The following FYCO1 variants were observed in gnomAD, a reference collection of about 807,000 sequenced individuals.
FYCO1 encodes FYVE and coiled-coil domain-containing protein 1.
FYCO1 carries 122 observed loss-of-function variants against 165.1 expected under a neutral mutation model. The ratio of observed to expected loss-of-function variants is 0.74; its 90% CI spans 0.64 to 0.86. The LOEUF (loss-of-function observed/expected upper bound fraction) is 0.86, where lower values mean the gene tolerates loss of function less well. Among genes scored for constraint, FYCO1 ranks in the 40% least tolerant of loss-of-function variants. The pLI is 0.00. For missense variants in FYCO1, 1,702 were observed against 1,810.3 expected (o/e 0.94, Z 1.09); for synonymous variants, 648 against 742.5 (o/e 0.87, Z 2.07).
At position 45,967,752 on chromosome 3, in the gene FYCO1, G is replaced by T; in HGVS notation, c.1582C>A (p.His528Asn). 1 of 1,613,436 alleles carries T rather than the reference G, an allele frequency of 6.2e-7. No homozygotes were observed. The highest frequency in any genetic ancestry group is 8.5e-7 in the Non-Finnish European group (1 of 1,180,020). ...TTCTGCTCCTCCAGGTCACTCACAT[G>T]TTGGCTCACCTGTGCCAGCTGGGTC... ...LETQLAQVSQ[H>N]VSDLEEQKKQ... Residue 528 changes from histidine to asparagine, a missense_variant, in exon 8 of 18, where the codon CAT (histidine) becomes AAT (asparagine). Transcript: ENST00000296137.
Position 45,995,821 on chromosome 3 carries a change from G to A in FYCO1, c.-212C>T, listed in dbSNP as rs902919779. On this transcript the variant is annotated 5_prime_UTR_variant, in exon 1 of 18. Transcript: ENST00000296137. ...GACGGCCATGACGCGCACACCAAGA[G>A]GGTGGCGGGGGCGGACTACAACTCC... 6.6e-6 allele frequency: 1 copy of A among 152,606 alleles called. No individual in the cohort carries two copies. Among genetic ancestry groups the A allele is most frequent in the Admixed American group, 6.5e-5 (1 of 15,290 alleles). The allele number at this position is 152,606 out of a possible 1,614,324, so 9.5% of individuals were successfully genotyped here.
chr3:45,947,527 G>A (rs747385084), intron 14 of FYCO1: 33 of 1,600,014 alleles, frequency 2.1e-5, no homozygotes, highest in Admixed American at 6.7e-5. Context: ...CCAGGGTTTC[G>A]AGAAGCTGCT....
At chr3:45,944,986 T>G (rs1704493122) in intron 14 of FYCO1, 1 of 152,162 alleles carries the variant, frequency 6.6e-6, no homozygotes, top group Non-Finnish European at 1.5e-5. Flanking sequence ...CTATCACCCT[T>G]AGAGATCTAA....
intron 14 of FYCO1, chr3:45,945,762 G>T (rs1704552107): frequency 6.6e-6 from 1 of 152,240 alleles, no homozygotes. Context: ...ACCACCCAAT[G>T]CTTTAACCAT....
intron 14 of FYCO1, chr3:45,947,309 C>T (rs140098665): frequency 1.7e-4 from 280 of 1,614,144 alleles, no homozygotes; most frequent in Admixed American, 4.8e-4. Flanking sequence ...CAGAGGCCAT[C>T]GCATACCTGA....
Position 45,966,947 on chromosome 3 carries a change from T to C in FYCO1, c.2387A>G (p.Gln796Arg). 6.2e-7 allele frequency: 1 copy of C among 1,613,700 alleles called. No homozygotes were observed. Among genetic ancestry groups the C allele is most frequent in the Non-Finnish European group, 8.5e-7 (1 of 1,180,030 alleles). ...QRLQAQVVDL[Q>R]AKMRAALDDQ... ...ATCCAGGGCTGCCCGCATCTTGGCC[T>C]GGAGGTCCACCACCTGAGCCTGCAG... Residue 796 changes from glutamine (Q) to arginine (R), a missense_variant, in exon 8 of 18, where the codon CAG becomes CGG. Physicochemically the swap from Gln to Arg is conservative, Grantham distance 43. Coordinates refer to ENST00000296137, the MANE Select transcript of FYCO1 (RefSeq NM_024513.4).
intron 14 of FYCO1, among the ~76,000 whole-genome samples, chr3:45,944,089 T>G (rs1445638247): frequency 6.6e-6 from 1 of 152,188 alleles, no homozygotes; most frequent in African/African-American, 2.4e-5. Flanking sequence ...AATCACATAG[T>G]TTATCATGAA....
chr3:45,964,283 A>G lies in FYCO1; in HGVS notation c.3269+53T>C. The G allele has an allele frequency of 7.3e-7, 1 of 1,369,174 alleles. No individual in the cohort carries two copies. Among genetic ancestry groups the G allele is most frequent in the East Asian group, 2.3e-5 (1 of 43,670 alleles). 84.8% of individuals were successfully genotyped at this position (1,369,174 alleles called of 1,614,324 possible). On this transcript the variant is annotated intron_variant, in intron 10 of 17. Transcript: ENST00000296137. This position sits in a 1 kb window ranked among gnomAD's most constrained non-coding sequence, Gnocchi z 4.1. The stretch of plus-strand genomic sequence containing the variant: ...ACTGACTTTCTAAATGACGAGACCA[A>G]ACACTCCTTCCCTGAAGACTACCGA...
chr3:45,946,950 G>T, intron 14 of FYCO1: 1 of 1,614,188 alleles, frequency 6.2e-7, no homozygotes, highest in Non-Finnish European at 8.5e-7. Flanking sequence ...GCTCATCTGG[G>T]TGATATCCCT....
chr3:45,949,408 C>T (rs1037697988), intron 14 of FYCO1, among the ~76,000 whole-genome samples: 2 of 152,218 alleles, frequency 1.3e-5, no homozygotes, highest in African/African-American at 4.8e-5. Flanking sequence ...TGTCCCGGCC[C>T]AAGGGACAGA....
intron 14 of FYCO1, 50 bp from the exon 15 acceptor site, chr3:45,936,593 G>A: frequency 7.6e-7 from 1 of 1,317,438 alleles, no homozygotes; most frequent in Non-Finnish European, 1.1e-6. Flanking sequence ...AACACACAGG[G>A]TCTCACATCC....
Position 45,967,735 on chromosome 3 carries a change from C to T in FYCO1, c.1599G>A (p.Glu533=), listed in dbSNP as rs1706162221. The T allele has an allele frequency of 6.2e-7, 1 of 1,613,122 alleles. No individual in the cohort carries two copies. The highest frequency in any genetic ancestry group is 1.3e-5 in the African/African-American group (1 of 74,944). The change falls in exon 8 of 18, where the codon GAG becomes GAA. Residue 533 remains glutamate, a synonymous_variant. Coordinates refer to ENST00000296137, the MANE Select transcript of FYCO1 (RefSeq NM_024513.4). ...AQVSQHVSDL[E]EQKKQLIQDK... is the part of the protein sequence containing the mutation. ...CCTGAATGAGCTGCTTCTTCTGCTC[C>T]TCCAGGTCACTCACATGTTGGCTCA...
chr3:45,964,925 C>T lies in FYCO1; in HGVS notation c.3150+108G>A, dbSNP rs750174465. On this transcript the variant is annotated intron_variant, in intron 9 of 17. Coordinates refer to ENST00000296137, the MANE Select transcript of FYCO1 (RefSeq NM_024513.4). The surrounding 1 kb of genome is among the most constrained non-coding windows in gnomAD (Gnocchi z 4.1). ...GGTGTCTACAAAGGTGAACTGAGGACGGCTTCAGCTTGGGAATCTGGAGGC... is the reference window on the plus strand; with the variant it reads ...GGTGTCTACAAAGGTGAACTGAGGATGGCTTCAGCTTGGGAATCTGGAGGC... 17 of 868,704 alleles carry T rather than the reference C, an allele frequency of 2.0e-5. No individual in the cohort carries two copies. Among genetic ancestry groups the T allele is most frequent in the East Asian group, 7.9e-5 (3 of 38,140 alleles). The allele number at this position is 868,704 out of a possible 1,614,324, so 53.8% of individuals were successfully genotyped here.
rs1703065902 is a variant in FYCO1, at chr3:45,920,860, A to G, written c.*905T>C. 6.5e-6 allele frequency: 1 copy of G among 152,794 alleles called. No individual in the cohort carries two copies. The highest frequency in any genetic ancestry group is 2.4e-5 in the African/African-American group (1 of 41,578). 9.5% of individuals were successfully genotyped at this position (152,794 alleles called of 1,614,324 possible). ...AGGTGGGGCAGAAGCTCTTATTTAT[A>G]TAAACAAAAGTGGGCCATCAGCTGA... On this transcript the variant is annotated 3_prime_UTR_variant, in exon 18 of 18. Coordinates refer to ENST00000296137, the MANE Select transcript of FYCO1 (RefSeq NM_024513.4).
intron 4 of FYCO1, among the ~76,000 whole-genome samples, chr3:45,975,882 G>A (rs1706727282): frequency 6.6e-6 from 1 of 152,212 alleles, no homozygotes; most frequent in African/African-American, 2.4e-5. Flanking sequence ...AGAAACATGT[G>A]CAGAAGGAGG....
At position 45,964,503 on chromosome 3, in the gene FYCO1, C is replaced by G; in HGVS notation, c.3151-49G>C. On this transcript the variant is annotated intron_variant, in intron 9 of 17. Transcript: ENST00000296137. This position sits in a 1 kb window ranked among gnomAD's most constrained non-coding sequence, Gnocchi z 4.1. ...GACACTCAGCTTGCAGAAGGCCATG[C>G]AACGTACCATAAAGTGGCTGGTGTG... 1 of 1,610,616 alleles carries G rather than the reference C, an allele frequency of 6.2e-7. No homozygotes were observed. The highest frequency in any genetic ancestry group is 8.5e-7 in the Non-Finnish European group (1 of 1,178,580).
At chr3:45,970,125 T>C (rs1217969823) in intron 6 of FYCO1, among the ~76,000 whole-genome samples, 2 of 152,214 alleles carry the variant, frequency 1.3e-5, no homozygotes, top group Non-Finnish European at 2.9e-5. Flanking sequence ...CACACTGTGC[T>C]TGGGGGCTCA....
At chr3:45,984,272 T>A (rs1384356425) in intron 2 of FYCO1, among the ~76,000 whole-genome samples, 1 of 152,214 alleles carries the variant, frequency 6.6e-6, no homozygotes, top group Non-Finnish European at 1.5e-5. Flanking sequence ...TGAAACTTTA[T>A]CTGCACCTTC....
intron 15 of FYCO1, among the ~76,000 whole-genome samples, chr3:45,932,222 T>C (rs987717012): frequency 6.6e-6 from 1 of 152,216 alleles, no homozygotes; most frequent in Non-Finnish European, 1.5e-5. Context: ...TGGAGGCAGC[T>C]AGGTTAGCTC....
Sources: gnomAD v4.1 joint callset for allele counts (sites outside exome capture counted in the v4.1 genomes callset) on GRCh38, gnomAD v4.1.1 for gene constraint, Gnocchi (gnomAD v3.1) non-coding constraint, MANE v1.5 for transcripts, NCBI Gene and HGNC (gene_info 2026-07-23, HGNC 2026-07-21) for gene names.